SNX12: variants seen among roughly 807,000 people sequenced by gnomAD.
SNX12 encodes sorting nexin 12.
For missense variants in SNX12, 62 were observed against 141.3 expected (o/e 0.44, Z 2.84); for synonymous variants, 47 against 56.0 (o/e 0.84, Z 0.71).
chrX:71,068,062 C>T (rs1255991505), intron 1 of SNX12, 80 bp downstream of exon 1: 1 of 975,968 alleles, frequency 1.0e-6, no homozygotes, highest in African/African-American at 2.0e-5. Context: ...CCGTTAGTTG[C>T]CCCCGCGGTA....
intron 1 of SNX12, among the ~76,000 whole-genome samples, chrX:71,067,365 C>T (rs191323966): frequency 3.6e-5 from 4 of 111,946 alleles, no homozygotes; most frequent in Admixed American, 2.9e-4. Context: ...AGTACCTAAA[C>T]GAGAGTCAAT....
chrX:71,073,298 T>G (rs1264530936), upstream of SNX12: 1 of 111,820 alleles, frequency 8.9e-6, no homozygotes, highest in Non-Finnish European at 1.9e-5. Flanking sequence ...AGACACCTAT[T>G]CATCTTCCTG....
Position 71,068,256 on chromosome X carries a change from C to T in SNX12, c.51G>A (p.Gln17=), listed in dbSNP as rs139823239. ...ADTRRLNSKP[Q]DLTDAYGPPS... ...GCGGCCCGTAAGCGTCGGTCAGGTC[C>T]TGCGGCTTCGAGTTAAGGCGCCGGG... The change falls in exon 1 of 4, where the codon CAG becomes CAA. Residue 17 remains glutamine, a synonymous_variant. Transcript: ENST00000374274. The T allele has an allele frequency of 1.7e-5, 21 of 1,207,364 alleles. No individual in the cohort carries two copies. The African/African-American group carries it at 3.5e-4, about 20-fold the overall frequency.
intron 1 of SNX12, among the ~76,000 whole-genome samples, chrX:71,065,966 G>A (rs186854024): frequency 3.8e-5 from 4 of 104,476 alleles, no homozygotes; most frequent in Non-Finnish European, 7.9e-5. Context: ...GTGACAGAGC[G>A]AGACTCTGTC....
intron 1 of SNX12, among the ~76,000 whole-genome samples, chrX:71,064,379 T>C (rs2092143971): frequency 8.9e-6 from 1 of 112,422 alleles, no homozygotes; most frequent in African/African-American, 3.2e-5. Context: ...CCTGATACAC[T>C]ATTGTTTTAT....
chrX:71,063,350 A>G (rs1414521890), intron 1 of SNX12, among the ~76,000 whole-genome samples: 1 of 110,004 alleles, frequency 9.1e-6, no homozygotes, highest in East Asian at 2.9e-4. Context: ...TACAAAAATT[A>G]GCCAGGTGTG....
chrX:71,067,893 CA>C (rs2092159503), intron 1 of SNX12, among the ~76,000 whole-genome samples: 1 of 110,817 alleles, frequency 9.0e-6, no homozygotes, highest in South Asian at 3.8e-4. Context: ...CCACCCTATC[CA>C]GCCATGCTTC....
chrX:71,068,366 G>C (rs1328235222), upstream of SNX12: 1 of 991,957 alleles, frequency 1.0e-6, no homozygotes, highest in Non-Finnish European at 1.4e-6. Context: ...CCTGAGGCAG[G>C]AGCGCGCACG....
At chrX:71,070,277 T>C (rs1476151920), upstream of SNX12, among the ~76,000 whole-genome samples, 1 of 111,886 alleles carries the variant, frequency 8.9e-6, no homozygotes, top group Non-Finnish European at 1.9e-5. Context: ...ACATGGAAGG[T>C]ATATTTAAGT....
At chrX:71,071,747 T>A (rs1169630117), upstream of SNX12, among the ~76,000 whole-genome samples, 2 of 79,691 alleles carry the variant, frequency 2.5e-5, no homozygotes, top group African/African-American at 5.1e-5. Flanking sequence ...TTTATATATA[T>A]AAATAATTAT....
At chrX:71,072,076 G>A (rs1035996386), upstream of SNX12, among the ~76,000 whole-genome samples, 3 of 110,370 alleles carry the variant, frequency 2.7e-5, no homozygotes, top group Middle Eastern at 4.6e-3. Flanking sequence ...TGGGCAACAC[G>A]GTGAAAACCT....
chrX:71,068,323 C>T lies in SNX12; in HGVS notation c.-17G>A. The T allele has an allele frequency of 1.7e-6, 2 of 1,184,341 alleles. No homozygotes were observed. Among genetic ancestry groups the T allele is most frequent in the South Asian group, 1.9e-5 (1 of 53,704 alleles). On this transcript the variant is annotated 5_prime_UTR_variant, in exon 1 of 4. Coordinates refer to ENST00000374274, the MANE Select transcript of SNX12 (RefSeq NM_013346.4). ...GTCCGACATCTTTCCGAAGGAGAGC[C>T]TGGGACCGGGGAAAGGGGGTGGGGG...
At chrX:71,065,571 G>A (rs1199309825) in intron 1 of SNX12, among the ~76,000 whole-genome samples, 2 of 108,998 alleles carry the variant, frequency 1.8e-5, no homozygotes, top group African/African-American at 6.7e-5. Context: ...TTGGGAGGCC[G>A]AGGCAAGCGG....
intron 1 of SNX12, 106 bp from the exon 2 acceptor site, chrX:71,063,055 G>A: frequency 1.9e-6 from 1 of 522,156 alleles, no homozygotes; most frequent in Non-Finnish European, 3.3e-6. Context: ...AGCTCCTATG[G>A]ATCATGCTCC....
upstream of SNX12, among the ~76,000 whole-genome samples, chrX:71,069,318 T>G (rs1365549945): frequency 8.9e-6 from 1 of 111,811 alleles, no homozygotes; most frequent in Non-Finnish European, 1.9e-5. Context: ...GGCCCTACAA[T>G]TTCACAATTG....
intron 3 of SNX12, 115 bp downstream of exon 3, chrX:71,061,728 G>T: frequency 1.4e-6 from 1 of 696,687 alleles, no homozygotes; most frequent in Non-Finnish European, 2.1e-6. Flanking sequence ...GTGAGACTCT[G>T]TCTCAAATAA....
chrX:71,061,753 AAAAAT>A, intron 3 of SNX12, 85 bp downstream of exon 3: 1 of 811,407 alleles, frequency 1.2e-6, no homozygotes, highest in Non-Finnish European at 1.8e-6. Flanking sequence ...ATAAGTAAAT[AAAAAT>A]AAAATAAAAG....
Position 71,061,953 on chromosome X carries a change from T to C in SNX12, c.276A>G (p.Pro92=), listed in dbSNP as rs758271577. 5 of 1,197,470 alleles carry C rather than the reference T, an allele frequency of 4.2e-6. No individual in the cohort carries two copies. The South Asian group carries it at 7.4e-5, about 18-fold the overall frequency. The part of the protein sequence containing the change: ...LERDSKIVVP[P]LPGKALKRQL... ...GCCGCTTCAAGGCTTTCCCAGGCAG[T>C]GGTGGTACTACAATCTGCAGGCACA... Residue 92 remains proline (P), a synonymous_variant, in exon 3 of 4, where the codon CCA becomes CCG. Coordinates refer to ENST00000374274, the MANE Select transcript of SNX12 (RefSeq NM_013346.4).
chrX:71,069,325 A>G (rs1160009179), upstream of SNX12, among the ~76,000 whole-genome samples: 2 of 111,771 alleles, frequency 1.8e-5, no homozygotes, highest in Non-Finnish European at 3.8e-5. Flanking sequence ...CAATTTCACA[A>G]TTGCTGTTTA....
Sources: gnomAD v4.1 joint callset for allele counts (sites outside exome capture counted in the v4.1 genomes callset) on GRCh38, gnomAD v4.1.1 for gene constraint, MANE v1.5 for transcripts, NCBI Gene and HGNC (gene_info 2026-07-23, HGNC 2026-07-21) for gene names.